ACVR1B: variants seen among roughly 807,000 people sequenced by gnomAD.
ACVR1B encodes the protein activin A receptor type 1B, also known as activin receptor type-1B.
ACVR1B carries 15 observed loss-of-function variants against 55.6 expected under a neutral mutation model. The ratio of observed to expected loss-of-function variants is 0.27; its 90% confidence interval spans 0.18 to 0.42. The LOEUF is 0.42. Among genes scored for constraint, ACVR1B ranks in the 10% least tolerant of loss-of-function variants. The pLI is 1.00. For synonymous variants in ACVR1B, 247 were observed against 254.6 expected (o/e 0.97, Z 0.28); for missense variants, 359 against 670.1 (o/e 0.54, Z 5.13).
At chr12:51,992,270 T>C (rs1218086112) in intron 8 of ACVR1B, 11 of 474,754 alleles carry the variant, frequency 2.3e-5, no homozygotes, top group Middle Eastern at 5.4e-4. Flanking sequence ...TTTGAGAGGC[T>C]GAGGCAGGAA....
At chr12:51,984,233 GT>G (rs1260506132) in intron 5 of ACVR1B, 67 bp downstream of exon 5, 4 of 1,559,962 alleles carry the variant, frequency 2.6e-6, no homozygotes, top group African/African-American at 1.4e-5. Context: ...TCCTGATTTA[GT>G]TCCTAGAATT....
chr12:51,990,139 C>T (rs977944950), intron 7 of ACVR1B, among the ~76,000 whole-genome samples: 57 of 151,478 alleles, frequency 3.8e-4, no homozygotes, highest in African/African-American at 9.9e-4. Flanking sequence ...ACTAAAAATA[C>T]AAAAATTAGC....
chr12:51,952,475 C>T lies in ACVR1B; in HGVS notation c.91+641C>T, dbSNP rs556420985. 9.2e-5 allele frequency among the ~76,000 whole-genome samples: 14 copies of T among 152,200 alleles called. No homozygotes were observed. In the South Asian group the frequency reaches 1.4e-3, roughly 16 times the overall value. On this transcript the variant is annotated intron_variant, in intron 1 of 8. Transcript: ENST00000257963. ...CCTTGAGTTCAGTGGGGCAATCCCC[C>T]CTCCGCCCTCCGGCACTCATGCCCC...
rs370537565 is a variant in ACVR1B at position 51,993,854 on chromosome 12, G to A, written c.1393-131G>A. 89 of 1,085,434 alleles carry A rather than the reference G, an allele frequency of 8.2e-5. No homozygotes were observed. The Middle Eastern group carries it at 9.2e-4, about 11-fold the overall frequency. The allele number at this position is 1,085,434 out of a possible 1,614,324, so 67.2% of individuals were successfully genotyped here. A position where few individuals can be genotyped will look rare whatever the true frequency, so the allele number is the denominator to read the frequency against. On this transcript the variant is annotated intron_variant, in intron 8 of 8. Coordinates refer to ENST00000257963, the MANE Select transcript of ACVR1B (RefSeq NM_004302.5). The stretch of plus-strand genomic sequence containing the variant: ...CCTTGCAGAGCATTTCCCTAAGGTC[G>A]GCCGCCGGGTGGATGTGGATCTGCC...
At chr12:51,986,686 ACTT>A (rs1319984202) in intron 6 of ACVR1B, 129 bp from the exon 7 acceptor site, 18 of 1,256,434 alleles carry the variant, frequency 1.4e-5, no homozygotes, top group Middle Eastern at 2.1e-4. Context: ...AGATGTGTAC[ACTT>A]CTTCTGCCCC....
At chr12:51,977,658 G>A (rs1462192485) in intron 3 of ACVR1B, among the ~76,000 whole-genome samples, 5 of 111,330 alleles carry the variant, frequency 4.5e-5, no homozygotes, top group Admixed American at 1.3e-4. Context: ...CTCTGTTGTT[G>A]CCCAGGCTGC....
chr12:51,980,890 C>T (rs1029365524), intron 3 of ACVR1B, 79 bp from the exon 4 acceptor site: 28 of 1,228,672 alleles, frequency 2.3e-5, no homozygotes, highest in East Asian at 9.6e-5. Flanking sequence ...AGGGTGTTTC[C>T]GTTGTGCCAA....
At chr12:51,990,972 C>A (rs1382970453) in intron 7 of ACVR1B, among the ~76,000 whole-genome samples, 1 of 152,194 alleles carries the variant, frequency 6.6e-6, no homozygotes, top group Non-Finnish European at 1.5e-5. Flanking sequence ...GTTCCTCTGT[C>A]CTTCTGTGAC....
At chr12:51,981,889 T>C (rs555295023) in intron 4 of ACVR1B, among the ~76,000 whole-genome samples, 2 of 151,820 alleles carry the variant, frequency 1.3e-5, no homozygotes, top group South Asian at 2.1e-4. Context: ...GGATGAGGAA[T>C]TGCGGCCTCA....
chr12:51,952,592 C>T (rs1167235369), intron 1 of ACVR1B, among the ~76,000 whole-genome samples: 3 of 152,158 alleles, frequency 2.0e-5, no homozygotes, highest in African/African-American at 7.2e-5. Context: ...AACCGAGTTC[C>T]CCAAGGGTTG....
Position 51,994,177 on chromosome 12 carries a change from C to A in ACVR1B, c.*67C>A. The stretch of plus-strand genomic sequence containing the variant: ...ACGCACAGCTGCCGCGTTGAGCGTA[C>A]GATGGAGGCCTACCTCTCGTTTCTG... On this transcript the variant is annotated 3_prime_UTR_variant, in exon 9 of 9. Coordinates refer to ENST00000257963, the MANE Select transcript of ACVR1B (RefSeq NM_004302.5). The surrounding 1 kb of genome is among the most constrained non-coding windows in gnomAD (Gnocchi z 4.2). The A allele has an allele frequency of 6.3e-7, 1 of 1,579,354 alleles. No homozygotes were observed.
chr12:51,953,785 T>C (rs1398891534), intron 1 of ACVR1B, among the ~76,000 whole-genome samples: 1 of 152,198 alleles, frequency 6.6e-6, no homozygotes, highest in Non-Finnish European at 1.5e-5. Context: ...TTAAGAATGT[T>C]TGATAATCCA....
At chr12:51,982,788 C>T in intron 4 of ACVR1B, 1 of 1,527,958 alleles carries the variant, frequency 6.5e-7, no homozygotes, top group Non-Finnish European at 8.7e-7. Flanking sequence ...AGGGGAAGAG[C>T]AAGATTTTTA....
rs77599196 is a variant in ACVR1B at position 51,960,166 on chromosome 12, T to A, written c.91+8332T>A. The A allele has an allele frequency of 3.6e-3, 556 of 152,462 alleles. 7 individuals are homozygous for A. The highest frequency in any genetic ancestry group is 0.024 in the East Asian group (123 of 5,196). The allele number at this position is 152,462 out of a possible 1,614,324, so 9.4% of individuals were successfully genotyped here. On this transcript the variant is annotated intron_variant, in intron 1 of 8. Transcript: ENST00000257963. ...CGGCCACAGTGGCTCATGCCTGTAA[T>A]CCCAACACTTTGGAGAATGAGGTAC...
chr12:51,985,156 T>C, intron 5 of ACVR1B, 36 bp from the exon 6 acceptor site: 1 of 1,580,510 alleles, frequency 6.3e-7, no homozygotes, highest in Non-Finnish European at 8.6e-7. Context: ...ATTTATATCA[T>C]CTCTTTGTAA....
chr12:51,986,441 A>G (rs957928281), intron 6 of ACVR1B, among the ~76,000 whole-genome samples: 1 of 152,038 alleles, frequency 6.6e-6, no homozygotes, highest in South Asian at 2.1e-4. Flanking sequence ...TGTATTTGTA[A>G]TAGAGATGGG....
chr12:51,952,037 G>T (rs1426433530), intron 1 of ACVR1B, among the ~76,000 whole-genome samples: 2 of 151,920 alleles, frequency 1.3e-5, no homozygotes, highest in African/African-American at 4.8e-5. Flanking sequence ...CGGAGCTCAC[G>T]CCGGGCCCCT....
chr12:51,963,169 T>C (rs1364047796), intron 1 of ACVR1B, among the ~76,000 whole-genome samples: 2 of 152,026 alleles, frequency 1.3e-5, no homozygotes, highest in Non-Finnish European at 2.9e-5. Flanking sequence ...TACAATTTAG[T>C]AGTGTTTAAG....
chr12:51,981,330 T>C, intron 4 of ACVR1B, 131 bp downstream of exon 4: 1 of 696,864 alleles, frequency 1.4e-6, no homozygotes, highest in Non-Finnish European at 2.3e-6. Flanking sequence ...AAGGTCAAGG[T>C]TTCCATGCTT....
Sources: allele counts gnomAD v4.1 joint callset (sites outside exome capture counted in the v4.1 genomes callset), GRCh38; gene constraint gnomAD v4.1.1; non-coding constraint Gnocchi (gnomAD v3.1); transcripts MANE v1.5; gene names NCBI Gene and HGNC (gene_info 2026-07-23, HGNC 2026-07-21).